The following SH3KBP1 variants were observed in gnomAD, a reference collection of about 807,000 sequenced individuals.
SH3KBP1 encodes SH3 domain containing kinase binding protein 1.
SH3KBP1 carries 8 observed loss-of-function variants against 50.1 expected under a neutral mutation model. The ratio of observed to expected loss-of-function variants is 0.16; its 90% CI spans 0.09 to 0.29. The LOEUF (loss-of-function observed/expected upper bound fraction) is 0.29, where lower values mean the gene tolerates loss of function less well. SH3KBP1 is among the 10% of genes least tolerant of loss of function. The pLI, the probability that SH3KBP1 is intolerant of heterozygous loss-of-function variation, is 1.00. For synonymous variants in SH3KBP1, 227 were observed against 218.6 expected (o/e 1.04, Z -0.34); for missense variants, 377 against 535.2 (o/e 0.70, Z 2.92).
intron 1 of SH3KBP1, among the ~76,000 whole-genome samples, chrX:19,868,218 C>T (rs929810479): frequency 4.5e-5 from 5 of 111,705 alleles, no homozygotes; most frequent in African/African-American, 1.6e-4. Context: ...GATCTTAATA[C>T]GCACCTTGTC....
intron 1 of SH3KBP1, among the ~76,000 whole-genome samples, chrX:19,858,051 C>T (rs917287007): frequency 7.3e-5 from 8 of 109,455 alleles, no homozygotes; most frequent in African/African-American, 1.0e-4. Flanking sequence ...TGGTGGTGCA[C>T]GCCTGTAATC....
At chrX:19,683,716 C>T in intron 6 of SH3KBP1, 107 bp downstream of exon 6, 1 of 699,834 alleles carries the variant, frequency 1.4e-6, no homozygotes, top group East Asian at 3.2e-5. Flanking sequence ...TACATGAGGA[C>T]ATGGAAACCC....
chrX:19,596,675 T>C (rs1399160230), intron 9 of SH3KBP1, among the ~76,000 whole-genome samples: 6 of 112,286 alleles, frequency 5.3e-5, no homozygotes, highest in Non-Finnish European at 1.1e-4. Context: ...TCACTAAGCA[T>C]ATGTAATACT....
chrX:19,760,037 TCTCC>T lies in SH3KBP1; in HGVS notation c.163-13600_163-13597del, dbSNP rs1165244792. 1.4e-3 allele frequency among the ~76,000 whole-genome samples: 90 copies of T among 63,855 alleles called. 1 individual carries two copies. The highest frequency in any genetic ancestry group is 6.7e-3 in the African/African-American group (81 of 12,017). 55.5% of individuals were successfully genotyped at this position (63,855 alleles called of 115,157 possible). A position where few individuals can be genotyped will look rare whatever the true frequency, so the allele number is the denominator to read the frequency against. On this transcript the variant is annotated intron_variant, in intron 2 of 17. Coordinates refer to ENST00000397821, the MANE Select transcript of SH3KBP1 (RefSeq NM_031892.3). The stretch of plus-strand genomic sequence containing the variant: ...TCTCTCTCTCTCCTCTCTCTCTCTC[TCTCC>T]CTCTCTCTCTCTCTCTCTCTCTCTC...
intron 6 of SH3KBP1, among the ~76,000 whole-genome samples, chrX:19,667,052 G>A (rs1299329090): frequency 8.9e-6 from 1 of 112,406 alleles, no homozygotes; most frequent in African/African-American, 3.2e-5. Context: ...GCCACAACAT[G>A]AAGGAACTTT....
chrX:19,713,269 C>T (rs1569435912), intron 3 of SH3KBP1, among the ~76,000 whole-genome samples: 1 of 104,615 alleles, frequency 9.6e-6, no homozygotes, highest in Non-Finnish European at 2.0e-5. Flanking sequence ...TTCTTAAAAA[C>T]TTTTTTTTTT....
chrX:19,689,394 A>AT (rs1446244318), intron 5 of SH3KBP1, among the ~76,000 whole-genome samples: 4 of 111,943 alleles, frequency 3.6e-5, no homozygotes, highest in Non-Finnish European at 5.6e-5. Flanking sequence ...GAAGTGTAAG[A>AT]TTTTTTTTAA....
chrX:19,646,946 C>G (rs905606012), intron 6 of SH3KBP1, among the ~76,000 whole-genome samples: 2 of 111,941 alleles, frequency 1.8e-5, no homozygotes, highest in Non-Finnish European at 3.8e-5. Context: ...AGGGGAACAT[C>G]AGGGATGAAA....
intron 4 of SH3KBP1, among the ~76,000 whole-genome samples, chrX:19,698,477 A>G (rs66794717): frequency 0.27 from 29,994 of 111,313 alleles, 4,465 homozygotes; most frequent in African/African-American, 0.58. Context: ...CAGTCTGAGA[A>G]GAGTGGCCTA....
intron 17 of SH3KBP1, among the ~76,000 whole-genome samples, chrX:19,536,898 G>A (rs1010887716): frequency 1.2e-4 from 13 of 111,773 alleles, no homozygotes; most frequent in African/African-American, 2.9e-4. Flanking sequence ...CCACAAGGGC[G>A]CCAACTGGAT....
intron 1 of SH3KBP1, among the ~76,000 whole-genome samples, chrX:19,859,253 A>G (rs2068726273): frequency 9.1e-6 from 1 of 110,009 alleles, no homozygotes. Context: ...GGTTCAAGCT[A>G]TTCTCCTGCC....
chrX:19,744,976 G>A (rs950038217), intron 3 of SH3KBP1, among the ~76,000 whole-genome samples: 4 of 112,336 alleles, frequency 3.6e-5, no homozygotes, highest in Non-Finnish European at 7.5e-5. Flanking sequence ...GTCAACATGC[G>A]TGCAATTGCC....
At chrX:19,687,945 T>C (rs2148609820) in intron 5 of SH3KBP1, among the ~76,000 whole-genome samples, 1 of 112,186 alleles carries the variant, frequency 8.9e-6, no homozygotes, top group South Asian at 3.7e-4. Flanking sequence ...CCTCTGCAAA[T>C]GACTGGCATG....
At chrX:19,794,932 A>G (rs1397603744) in intron 2 of SH3KBP1, among the ~76,000 whole-genome samples, 2 of 111,541 alleles carry the variant, frequency 1.8e-5, no homozygotes, top group East Asian at 5.6e-4. Flanking sequence ...AGTGAATAAG[A>G]GCTTATCTGA....
intron 2 of SH3KBP1, among the ~76,000 whole-genome samples, chrX:19,758,556 T>A (rs1447429118): frequency 9.0e-6 from 1 of 110,567 alleles, no homozygotes; most frequent in Non-Finnish European, 1.9e-5. Context: ...TCAAATTGAG[T>A]CCCCTGAGGG....
chrX:19,727,855 G>A (rs1052320248), intron 3 of SH3KBP1, among the ~76,000 whole-genome samples: 1 of 111,334 alleles, frequency 9.0e-6, no homozygotes, highest in Non-Finnish European at 1.9e-5. Context: ...GCGGTGGAAC[G>A]TGACTGTAAG....
At chrX:19,684,080 C>G in intron 5 of SH3KBP1, 52 bp from the exon 6 acceptor site, 1 of 1,052,058 alleles carries the variant, frequency 9.5e-7, no homozygotes, top group Non-Finnish European at 1.3e-6. Context: ...AGCCAGAGCC[C>G]TGAAGAAGAA....
At chrX:19,595,483 T>C (rs1174054511) in intron 9 of SH3KBP1, among the ~76,000 whole-genome samples, 1 of 112,799 alleles carries the variant, frequency 8.9e-6, no homozygotes, top group Non-Finnish European at 1.9e-5. Flanking sequence ...CTTCTGCCCC[T>C]TTCTACACCG....
intron 7 of SH3KBP1, among the ~76,000 whole-genome samples, chrX:19,643,218 T>C (rs181675624): frequency 3.5e-4 from 38 of 109,160 alleles, no homozygotes; most frequent in Non-Finnish European, 4.2e-4. Context: ...GGGGTGGCAC[T>C]AAATGGAAAT....
Sources: gnomAD v4.1 joint callset for allele counts (sites outside exome capture counted in the v4.1 genomes callset) on GRCh38, gnomAD v4.1.1 for gene constraint, MANE v1.5 for transcripts, NCBI Gene and HGNC (gene_info 2026-07-23, HGNC 2026-07-21) for gene names.